The following LONP2 variants were observed in gnomAD, a reference collection of about 807,000 sequenced individuals.
LONP2 encodes lon protease homolog 2, peroxisomal.
A neutral mutation model predicts 85.6 loss-of-function variants in LONP2; 60 were observed. The ratio of observed to expected loss-of-function variants is 0.70; its 90% confidence interval spans 0.57 to 0.87. The LOEUF is 0.87. LONP2 is among the 40% of genes least tolerant of loss of function. The pLI, the probability that LONP2 is intolerant of heterozygous loss-of-function variation, is 0.00. For synonymous variants in LONP2, 395 were observed against 389.7 expected, an observed-to-expected ratio of 1.01 and a Z score of -0.16; for missense variants, 860 against 1,063.5, an observed-to-expected ratio of 0.81 and a Z score of 2.66.
chr16:48,325,042 A>G (rs1015233705), intron 11 of LONP2, among the ~76,000 whole-genome samples: 1 of 152,204 alleles, frequency 6.6e-6, no homozygotes, highest in African/African-American at 2.4e-5. Context: ...ACCAGGGACC[A>G]ATTTCATGGG....
rs1960027400 is a variant in LONP2, at chr16:48,348,157, G to A, written c.2204G>A (p.Gly735Glu). Residue 735 changes from glycine to glutamate, a missense_variant, in exon 14 of 15, where the codon GGA becomes GAA. By Grantham distance (98) the Gly-to-Glu change is moderately conservative (BLOSUM62 -2). Transcript: ENST00000285737. The stretch of plus-strand genomic sequence containing the variant: ...GACATCCATCTGCACTTCCCAGCTG[G>A]AGCTGTCACAAAAGATGGACCATCT... The part of the protein sequence containing the change: ...NTDIHLHFPA[G>E]AVTKDGPSAG... 6.2e-7 allele frequency: 1 copy of A among 1,611,742 alleles called. No individual in the cohort carries two copies. Among genetic ancestry groups the A allele is most frequent in the African/African-American group, 1.3e-5 (1 of 74,786 alleles).
chr16:48,331,754 C>T (rs1178199319), intron 11 of LONP2, among the ~76,000 whole-genome samples: 23 of 151,990 alleles, frequency 1.5e-4, no homozygotes, highest in Non-Finnish European at 2.6e-4. Context: ...TTAGTAGAGA[C>T]GGGGTTTCAC....
At position 48,262,869 on chromosome 16, in the gene LONP2, A is replaced by G. The variant is rs761414702; in HGVS notation, c.979A>G (p.Thr327Ala). 1 of 1,595,780 alleles carries G rather than the reference A, an allele frequency of 6.3e-7. No individual in the cohort carries two copies. The highest frequency in any genetic ancestry group is 8.6e-7 in the Non-Finnish European group (1 of 1,166,004). The change falls in exon 6 of 15, where the codon ACT becomes GCT. Residue 327 changes from threonine (T) to alanine (A), a missense_variant. By Grantham distance (58) the Thr-to-Ala change is moderately conservative. Around this residue, in one of 3 missense-constraint regions of LONP2, gnomAD observed 743 missense variants for 917.3 expected, o/e 0.81. Coordinates refer to ENST00000285737, the MANE Select transcript of LONP2 (RefSeq NM_031490.5). ...AGAACTTCCTTGGAACAAAAGTACA[A>G]CTGGTAAGCCAAAAAATAACACCTG... is the stretch of plus-strand genomic sequence containing the variant. The part of the protein sequence containing the change: ...MVELPWNKST[T>A]DRLDIRAARI...
intron 12 of LONP2, among the ~76,000 whole-genome samples, chr16:48,342,293 G>T (rs1959838977): frequency 6.6e-6 from 1 of 152,208 alleles, no homozygotes; most frequent in Non-Finnish European, 1.5e-5. Context: ...CTCCTGAATA[G>T]AATGCATCCA....
chr16:48,256,914 A>T (rs1466028585), intron 3 of LONP2, among the ~76,000 whole-genome samples, 173 bp downstream of exon 3: 1 of 148,580 alleles, frequency 6.7e-6, no homozygotes, highest in East Asian at 1.9e-4. Context: ...TTTTGTTGAC[A>T]CAAGCAGCTC....
chr16:48,350,851 G>A (rs548498293), intron 14 of LONP2, among the ~76,000 whole-genome samples: 2 of 152,274 alleles, frequency 1.3e-5, no homozygotes, highest in South Asian at 4.1e-4. Flanking sequence ...CCCATCTAGT[G>A]GCAGGAGGCC....
chr16:48,246,856 G>C (rs1486973408), intron 1 of LONP2, among the ~76,000 whole-genome samples: 1 of 152,040 alleles, frequency 6.6e-6, no homozygotes, highest in Non-Finnish European at 1.5e-5. Flanking sequence ...CTATAGGCAA[G>C]CGCCACCATA....
intron 2 of LONP2, among the ~76,000 whole-genome samples, chr16:48,254,521 G>A (rs755034678): frequency 2.0e-5 from 3 of 151,866 alleles, no homozygotes; most frequent in Non-Finnish European, 4.4e-5. Flanking sequence ...GCGCCACCAC[G>A]CCCGGCTAAC....
At chr16:48,291,028 CAAAG>C (rs1050154796) in intron 8 of LONP2, among the ~76,000 whole-genome samples, 1 of 152,164 alleles carries the variant, frequency 6.6e-6, no homozygotes, top group African/African-American at 2.4e-5. Context: ...TGTCAGGAAA[CAAAG>C]AGATGAAGGC....
intron 3 of LONP2, among the ~76,000 whole-genome samples, chr16:48,257,731 A>G (rs1323590884): frequency 6.6e-6 from 1 of 152,252 alleles, no homozygotes; most frequent in Non-Finnish European, 1.5e-5. Flanking sequence ...TATAATAGCA[A>G]ATACAACTAA....
At chr16:48,361,474 T>C (rs773020661), downstream of LONP2, 3 of 1,099,280 alleles carry the variant, frequency 2.7e-6, no homozygotes, top group Non-Finnish European at 4.1e-6. Flanking sequence ...TTCATGTGTC[T>C]AGCTTCCACC....
At chr16:48,361,559 A>G, downstream of LONP2, 1 of 1,607,742 alleles carries the variant, frequency 6.2e-7, no homozygotes, top group Non-Finnish European at 8.5e-7. Flanking sequence ...AACACTGGCC[A>G]GAAAATGTTT....
intron 11 of LONP2, among the ~76,000 whole-genome samples, chr16:48,320,693 T>C (rs1308224419): frequency 3.3e-5 from 5 of 152,260 alleles, no homozygotes; most frequent in African/African-American, 4.8e-5. Flanking sequence ...CATGAAGATA[T>C]ACTAAATATT....
At chr16:48,287,133 G>A (rs1972460309) in intron 8 of LONP2, among the ~76,000 whole-genome samples, 1 of 152,142 alleles carries the variant, frequency 6.6e-6, no homozygotes, top group Admixed American at 6.5e-5. Flanking sequence ...TTGCCCAAGG[G>A]GCTCTTATGT....
At chr16:48,308,652 C>G (rs1279643429) in intron 11 of LONP2, among the ~76,000 whole-genome samples, 14 of 140,478 alleles carry the variant, frequency 1.0e-4, no homozygotes, top group African/African-American at 3.8e-4. Context: ...AAAAAGTCAA[C>G]TCAAGATAGA....
intron 7 of LONP2, among the ~76,000 whole-genome samples, chr16:48,275,426 T>C (rs1454344133): frequency 6.6e-6 from 1 of 152,178 alleles, no homozygotes; most frequent in Non-Finnish European, 1.5e-5. Context: ...ACCCCGTCTC[T>C]GTCATAAAAG....
At chr16:48,340,071 A>C (rs961471772) in intron 12 of LONP2, among the ~76,000 whole-genome samples, 2 of 152,194 alleles carry the variant, frequency 1.3e-5, no homozygotes, top group African/African-American at 4.8e-5. Flanking sequence ...CTGGGGCAGA[A>C]AGGAAGGAGC....
At chr16:48,303,466 A>G (rs922098330) in intron 11 of LONP2, among the ~76,000 whole-genome samples, 161 bp downstream of exon 11, 6 of 152,226 alleles carry the variant, frequency 3.9e-5, no homozygotes, top group African/African-American at 1.4e-4. Context: ...ATGTTTCAAC[A>G]TATTTCATCC....
At chr16:48,301,833 A>T (rs1002668859) in intron 10 of LONP2, among the ~76,000 whole-genome samples, 1 of 152,192 alleles carries the variant, frequency 6.6e-6, no homozygotes, top group Non-Finnish European at 1.5e-5. Context: ...ATAAAATACT[A>T]TCAGGTGCTG....
Sources: allele counts gnomAD v4.1 joint callset (sites outside exome capture counted in the v4.1 genomes callset), GRCh38; gene constraint gnomAD v4.1.1; regional missense constraint gnomAD v4.1.1; transcripts MANE v1.5; gene names NCBI Gene and HGNC (gene_info 2026-07-23, HGNC 2026-07-21).